Variants in MOK observed in about 807,000 individuals in gnomAD.
MOK encodes the protein MAPK/MAK/MRK overlapping kinase.
A neutral mutation model predicts 54.2 loss-of-function variants in MOK; 59 were observed. That is an observed-to-expected ratio of 1.09 (90% confidence interval 0.88 to 1.35). The LOEUF is 1.35. MOK is among the 40% of genes most tolerant of loss of function. MOK has a pLI of 0.00. For synonymous variants in MOK, 210 were observed against 202.7 expected, an observed-to-expected ratio of 1.04 and a Z score of -0.31; for missense variants, 517 against 526.2, an observed-to-expected ratio of 0.98 and a Z score of 0.17.
intron 7 of MOK, chr14:102,247,483 T>G (rs143410034): frequency 1.3e-5 from 2 of 152,162 alleles, no homozygotes; most frequent in Non-Finnish European, 2.9e-5. Context: ...CATCCGACAC[T>G]GCCGTGCTAT....
chr14:102,296,939 T>A (rs1597629349), intron 1 of MOK, among the ~76,000 whole-genome samples: 2 of 152,096 alleles, frequency 1.3e-5, no homozygotes, highest in African/African-American at 2.4e-5. Context: ...ACACTTGTAG[T>A]CCCATCTACT....
chr14:102,251,656 A>G (rs1293020368), intron 6 of MOK, 100 bp downstream of exon 6: 1 of 926,994 alleles, frequency 1.1e-6, no homozygotes, highest in Non-Finnish European at 1.7e-6. Flanking sequence ...GTCTAGCCGC[A>G]TGGACTGAAA....
intron 2 of MOK, among the ~76,000 whole-genome samples, chr14:102,273,769 A>G (rs969087508): frequency 2.6e-5 from 4 of 151,854 alleles, no homozygotes; most frequent in African/African-American, 9.7e-5. Context: ...CCTGGGCAAC[A>G]AGAGCAAAAC....
chr14:102,220,937 A>C (rs1334855173), downstream of MOK, among the ~76,000 whole-genome samples: 4 of 151,914 alleles, frequency 2.6e-5, no homozygotes, highest in Admixed American at 1.3e-4. The surrounding 1 kb of genome is among the most constrained non-coding windows in gnomAD (Gnocchi z 4.2). Flanking sequence ...CACCCGGCTA[A>C]TTTTGTATTA....
intron 8 of MOK, chr14:102,233,164 TG>T (rs11287216): frequency 0.2 from 31,334 of 155,490 alleles, 3,665 homozygotes; most frequent in African/African-American, 0.32. Context: ...GAGTCCAAAA[TG>T]GTTGCCACCT....
At chr14:102,251,056 C>T in intron 6 of MOK, 66 bp from the exon 7 acceptor site, 4 of 1,521,408 alleles carry the variant, frequency 2.6e-6, no homozygotes, top group Non-Finnish European at 3.6e-6. Flanking sequence ...ACAAACCACT[C>T]CAAATATTTA....
intron 2 of MOK, among the ~76,000 whole-genome samples, chr14:102,276,677 G>T (rs974834021): frequency 2.4e-4 from 36 of 151,814 alleles, no homozygotes; most frequent in Non-Finnish European, 2.1e-4. Context: ...TGTAATCCCA[G>T]CTACTCTGGA....
At chr14:102,227,618 C>T (rs999850976), downstream of MOK, among the ~76,000 whole-genome samples, 1 of 152,104 alleles carries the variant, frequency 6.6e-6, no homozygotes, top group Non-Finnish European at 1.5e-5. Context: ...GCAAGCCTCA[C>T]TTCCGGTCTG....
intron 1 of MOK, among the ~76,000 whole-genome samples, chr14:102,298,697 G>A (rs2071747347): frequency 2.0e-5 from 3 of 152,208 alleles, no homozygotes; most frequent in Non-Finnish European, 2.9e-5. Flanking sequence ...GGCTGCCCAA[G>A]CCAGCAGTGG....
chr14:102,231,871 G>A lies in MOK; in HGVS notation c.867-50C>T, dbSNP rs565833229. On this transcript the variant is annotated intron_variant, in intron 9 of 11. Coordinates refer to ENST00000361847, the MANE Select transcript of MOK (RefSeq NM_014226.3). This position sits in a 1 kb window ranked among gnomAD's most constrained non-coding sequence, Gnocchi z 4.4. Reference sequence around the variant, plus strand: ...AGCAGCTCCACTGAGAGCCCGCAGAGCACACGGCCTACTGGCTTCTTTGTC... The same window carrying A: ...AGCAGCTCCACTGAGAGCCCGCAGAACACACGGCCTACTGGCTTCTTTGTC... 1.0e-5 allele frequency: 15 copies of A among 1,483,750 alleles called. No individual in the cohort carries two copies. In the East Asian group the frequency reaches 2.5e-4, roughly 25 times the overall value. 91.9% of individuals were successfully genotyped at this position (1,483,750 alleles called of 1,614,324 possible).
chr14:102,252,865 T>C (rs537423013), intron 4 of MOK, among the ~76,000 whole-genome samples: 22 of 152,242 alleles, frequency 1.4e-4, no homozygotes, highest in Non-Finnish European at 2.9e-4. Flanking sequence ...ATTTCACGGT[T>C]ACGCTAAGAG....
At chr14:102,239,846 G>A (rs866788714) in intron 7 of MOK, among the ~76,000 whole-genome samples, 2 of 152,184 alleles carry the variant, frequency 1.3e-5, no homozygotes, top group Admixed American at 6.5e-5. Context: ...CCAGCCTGGC[G>A]ACAGGGCAGG....
chr14:102,232,086 T>C lies in MOK; in HGVS notation c.867-265A>G, dbSNP rs967676976. 9.2e-6 allele frequency: 4 copies of C among 433,618 alleles called. No homozygotes were observed. The Admixed American group carries it at 1.6e-4, about 17-fold the overall frequency. The allele number at this position is 433,618 out of a possible 1,614,324, so 26.9% of individuals were successfully genotyped here. ...CAGATCAAACTGTCACCTCCACAGT[T>C]AGGCAAACAGGAGTGTCCAGAGGTC... On this transcript the variant is annotated intron_variant, in intron 9 of 11. Transcript: ENST00000361847. The surrounding 1 kb of genome is among the most constrained non-coding windows in gnomAD (Gnocchi z 5.1).
rs1031044016 is a variant in MOK, at chr14:102,255,191, G to A, written c.284-3196C>T. 2.0e-5 allele frequency among the ~76,000 whole-genome samples: 3 copies of A among 152,208 alleles called. No individual in the cohort carries two copies. In the East Asian group the frequency reaches 5.8e-4, roughly 29 times the overall value. On this transcript the variant is annotated intron_variant, in intron 4 of 11. Coordinates refer to ENST00000361847, the MANE Select transcript of MOK (RefSeq NM_014226.3). The stretch of plus-strand genomic sequence containing the variant: ...AAATTAGCCAGGCGTGGCGGCAGGC[G>A]CCTTCAATCCCAGCTACTTGGGAGG...
downstream of MOK, chr14:102,226,470 G>A: frequency 1.4e-6 from 1 of 701,802 alleles, no homozygotes; most frequent in Non-Finnish European, 2.6e-6. The surrounding 1 kb of genome is among the most constrained non-coding windows in gnomAD (Gnocchi z 4.8). Context: ...AATCCGGCCA[G>A]CCAGGGTTCA....
At chr14:102,214,801 G>A in the MOK span, 1 of 978,652 alleles carries the variant, frequency 1.0e-6, no homozygotes, top group Non-Finnish European at 1.2e-6. Flanking sequence ...CTTTACTGTT[G>A]CAATAATTAA....
At chr14:102,258,788 C>A (rs554816603) in intron 4 of MOK, among the ~76,000 whole-genome samples, 27 of 152,234 alleles carry the variant, frequency 1.8e-4, no homozygotes, top group Non-Finnish European at 1.9e-4. Context: ...CTCTTTCAGG[C>A]TGGGCGCGGT....
chr14:102,267,645 A>T (rs2068023735), intron 2 of MOK, among the ~76,000 whole-genome samples: 2 of 152,242 alleles, frequency 1.3e-5, no homozygotes, highest in Admixed American at 1.3e-4. Context: ...GATATTTAAG[A>T]AGAGCCTGAA....
At chr14:102,261,403 AAAAAAAAAAAAAAAAATATATATATATAT>A (rs1450453925) in intron 4 of MOK, among the ~76,000 whole-genome samples, 8 of 80,314 alleles carry the variant, frequency 1.0e-4, no homozygotes, top group African/African-American at 4.1e-4. Context: ...AAAAAAAAAA[AAAAAAAAAAAAAAAAATATATATATATAT>A]ATATATATAT....
Sources: allele counts gnomAD v4.1 joint callset (sites outside exome capture counted in the v4.1 genomes callset), GRCh38; gene constraint gnomAD v4.1.1; non-coding constraint Gnocchi (gnomAD v3.1); transcripts MANE v1.5; gene names NCBI Gene and HGNC (gene_info 2026-07-23, HGNC 2026-07-21).